SNAP91: variants seen among roughly 807,000 people sequenced by gnomAD.
SNAP91 encodes the protein clathrin coat assembly protein AP180.
SNAP91 carries 27 observed loss-of-function variants against 100.3 expected under a neutral mutation model. The ratio of observed to expected loss-of-function variants is 0.27; its 90% CI spans 0.20 to 0.37. The LOEUF (loss-of-function observed/expected upper bound fraction) is 0.37. Ranked by LOEUF, SNAP91 falls within the 10% of genes least tolerant of loss-of-function variation. The pLI is 1.00. For missense variants in SNAP91, 986 were observed against 1,123.7 expected (o/e 0.88, Z 1.75); for synonymous variants, 404 against 398.6 (o/e 1.01, Z -0.16).
intron 2 of SNAP91, among the ~76,000 whole-genome samples, chr6:83,692,676 C>T (rs1375585085): frequency 6.6e-6 from 1 of 152,150 alleles, no homozygotes; most frequent in Non-Finnish European, 1.5e-5. Context: ...AATCAGTGCC[C>T]TTTCTGCTGT....
At chr6:83,691,590 TTAG>T (rs1221109716) in intron 2 of SNAP91, among the ~76,000 whole-genome samples, 2 of 152,138 alleles carry the variant, frequency 1.3e-5, no homozygotes, top group African/African-American at 2.4e-5. Flanking sequence ...GCAAATATAT[TTAG>T]TGTCTCCTTG....
At chr6:83,628,715 A>AT (rs999477211) in intron 8 of SNAP91, among the ~76,000 whole-genome samples, 19 of 149,158 alleles carry the variant, frequency 1.3e-4, no homozygotes, top group South Asian at 2.1e-4. Context: ...TTTTGATGGG[A>AT]TTTTTTTTTC....
intron 5 of SNAP91, among the ~76,000 whole-genome samples, chr6:83,660,180 A>C (rs1461155850): frequency 1.3e-5 from 2 of 152,244 alleles, no homozygotes; most frequent in African/African-American, 4.8e-5. Flanking sequence ...TAGGAAGGCC[A>C]TGGACCTACT....
At chr6:83,654,488 T>C (rs1273004216) in intron 7 of SNAP91, among the ~76,000 whole-genome samples, 1 of 152,162 alleles carries the variant, frequency 6.6e-6, no homozygotes, top group African/African-American at 2.4e-5. Context: ...CTCATTCTAC[T>C]CCTTGGGGAC....
intron 4 of SNAP91, 60 bp from the exon 5 acceptor site, chr6:83,661,664 C>T (rs1205311445): frequency 1.1e-6 from 1 of 942,486 alleles, no homozygotes. Flanking sequence ...CTGTGCTTTG[C>T]ATAGTACTAT....
chr6:83,589,751 G>C (rs925538628), intron 22 of SNAP91, among the ~76,000 whole-genome samples: 1 of 152,134 alleles, frequency 6.6e-6, no homozygotes, highest in African/African-American at 2.4e-5. Flanking sequence ...GCTGGGCTAC[G>C]ACTACCTGCT....
chr6:83,563,644 A>G (rs1484488821), intron 26 of SNAP91, among the ~76,000 whole-genome samples: 1 of 152,218 alleles, frequency 6.6e-6, no homozygotes, highest in African/African-American at 2.4e-5. Flanking sequence ...CAAAGCTAAT[A>G]AACATGTTCT....
intron 2 of SNAP91, among the ~76,000 whole-genome samples, chr6:83,695,747 G>A (rs184460985): frequency 9.0e-4 from 137 of 152,102 alleles, no homozygotes; most frequent in African/African-American, 3.3e-3. Context: ...TTAATTCACA[G>A]CACTATCCTA....
chr6:83,592,988 A>T lies in SNAP91; in HGVS notation c.1804T>A (p.Ser602Thr). The change falls in exon 20 of 30, where the codon TCT becomes ACT. Residue 602 changes from serine to threonine, a missense_variant. By Grantham distance (58) the Ser-to-Thr change is moderately conservative (BLOSUM62 1). Around this residue, in one of 4 missense-constraint regions of SNAP91, gnomAD observed 575 missense variants for 579.9 expected, o/e 0.99. Coordinates refer to ENST00000369694, the MANE Select transcript of SNAP91 (RefSeq NM_001242792.2). ...DAFSSPPQGA[S>T]PVPESSLTAD... Reference sequence around the variant, plus strand: ...GTGAGAGAACTCTCAGGCACAGGAGAGGCCCCTTGTGGTGGAGAGGAGAAA... The same window carrying T: ...GTGAGAGAACTCTCAGGCACAGGAGTGGCCCCTTGTGGTGGAGAGGAGAAA... The T allele has an allele frequency of 6.3e-7, 1 of 1,586,362 alleles. No homozygotes were observed. Among genetic ancestry groups the T allele is most frequent in the East Asian group, 2.3e-5 (1 of 43,612 alleles).
At chr6:83,674,417 G>A (rs1028517587) in intron 2 of SNAP91, among the ~76,000 whole-genome samples, 2 of 152,038 alleles carry the variant, frequency 1.3e-5, no homozygotes, top group Non-Finnish European at 2.9e-5. Context: ...CCGGGCGACA[G>A]AGCAAGATTC....
chr6:83,621,490 T>TTC (rs1041903977), intron 9 of SNAP91, among the ~76,000 whole-genome samples: 35 of 151,972 alleles, frequency 2.3e-4, no homozygotes, highest in Admixed American at 1.9e-3. Flanking sequence ...GAGGGAGGAG[T>TTC]CTCTGTTCCC....
chr6:83,582,064 T>C (rs1403672728), intron 23 of SNAP91, among the ~76,000 whole-genome samples, 158 bp downstream of exon 23: 1 of 150,880 alleles, frequency 6.6e-6, no homozygotes, highest in African/African-American at 2.5e-5. Flanking sequence ...TAAATTTTAA[T>C]TTAAGTTACT....
At chr6:83,568,176 T>A (rs956906213) in intron 26 of SNAP91, among the ~76,000 whole-genome samples, 2 of 152,142 alleles carry the variant, frequency 1.3e-5, no homozygotes, top group African/African-American at 4.8e-5. Flanking sequence ...TAAAAAAGGA[T>A]GAGTTCACGT....
intron 2 of SNAP91, among the ~76,000 whole-genome samples, chr6:83,692,514 C>A (rs75068760): frequency 8.1e-5 from 12 of 148,434 alleles, no homozygotes; most frequent in African/African-American, 7.4e-5. Context: ...GACTCTGTCT[C>A]AAAAAAAAAA....
Position 83,622,425 on chromosome 6 carries a change from A to G in SNAP91, c.807+876T>C, listed in dbSNP as rs540142243. 6.7e-4 allele frequency among the ~76,000 whole-genome samples: 95 copies of G among 141,726 alleles called. 1 individual carries two copies. Among genetic ancestry groups the G allele is most frequent in the African/African-American group, 2.3e-3 (88 of 37,666 alleles). 93.0% of individuals were successfully genotyped at this position (141,726 alleles called of 152,430 possible). ...TACTAAATGCACTTTGATATTATTA[A>G]CAAGTAGGTATCTTTCATTATGACA... On this transcript the variant is annotated intron_variant, in intron 9 of 29. Coordinates refer to ENST00000369694, the MANE Select transcript of SNAP91 (RefSeq NM_001242792.2).
intron 26 of SNAP91, among the ~76,000 whole-genome samples, chr6:83,567,808 C>T (rs1291056977): frequency 1.3e-5 from 2 of 152,144 alleles, no homozygotes; most frequent in Non-Finnish European, 2.9e-5. Flanking sequence ...TACCATCTCA[C>T]ACCAATTAGG....
At chr6:83,675,701 G>A (rs180879242) in intron 2 of SNAP91, among the ~76,000 whole-genome samples, 1 of 151,978 alleles carries the variant, frequency 6.6e-6, no homozygotes, top group African/African-American at 2.4e-5. Context: ...GAGCAAAGTT[G>A]CCTCTCTTAA....
intron 14 of SNAP91, among the ~76,000 whole-genome samples, chr6:83,603,924 TA>T (rs1379818082): frequency 1.3e-5 from 2 of 152,204 alleles, no homozygotes; most frequent in Non-Finnish European, 2.9e-5. Context: ...TGTATTCTAA[TA>T]AAATTGGTTA....
intron 14 of SNAP91, among the ~76,000 whole-genome samples, chr6:83,605,196 C>A (rs2095533880): frequency 6.6e-6 from 1 of 151,976 alleles, no homozygotes; most frequent in Non-Finnish European, 1.5e-5. Context: ...AAATAAGAAT[C>A]TGTAAAAAGA....
Sources: allele counts gnomAD v4.1 joint callset (sites outside exome capture counted in the v4.1 genomes callset), GRCh38; gene constraint gnomAD v4.1.1; regional missense constraint gnomAD v4.1.1; transcripts MANE v1.5; gene names NCBI Gene and HGNC (gene_info 2026-07-23, HGNC 2026-07-21).